RSPH4A: variants seen among roughly 807,000 people sequenced by gnomAD.
The protein encoded by RSPH4A is radial spoke head protein 4 homolog A.
RSPH4A carries 47 observed loss-of-function variants against 71.0 expected under a neutral mutation model. That is an observed-to-expected ratio of 0.66 (90% CI 0.52 to 0.84). The LOEUF (loss-of-function observed/expected upper bound fraction) is 0.84. Ranked by LOEUF, RSPH4A falls within the 40% of genes least tolerant of loss-of-function variation. The pLI, the probability that RSPH4A is intolerant of heterozygous loss-of-function variation, is 0.00. For missense variants in RSPH4A, 793 were observed against 855.2 expected (o/e 0.93, Z 0.91); for synonymous variants, 282 against 302.3 (o/e 0.93, Z 0.70).
In RSPH4A at chr6:116,632,635, TACTC is replaced by T. The variant is rs572642899; in HGVS notation, c.*197_*200del. On this transcript the variant is annotated 3_prime_UTR_variant, in exon 6 of 6. Transcript: ENST00000229554. ...AAATATTAGCATTTTTATTGAAAGA[TACTC>T]ACAGGATTTTCCAGAGGCTAAATAA... 70 of 663,340 alleles carry T rather than the reference TACTC, an allele frequency of 1.1e-4. No individual in the cohort carries two copies. The highest frequency in any genetic ancestry group is 8.1e-4 in the East Asian group (26 of 32,204). The allele number at this position is 663,340 out of a possible 1,614,324, so 41.1% of individuals were successfully genotyped here. A position where few individuals can be genotyped will look rare whatever the true frequency, so the allele number is the denominator to read the frequency against.
intron 1 of RSPH4A, among the ~76,000 whole-genome samples, 164 bp from the exon 2 acceptor site, chr6:116,622,604 A>C (rs943630646): frequency 1.1e-4 from 16 of 152,216 alleles, no homozygotes; most frequent in African/African-American, 3.6e-4. Context: ...ATAGTTGTTC[A>C]ATAATTGCCT....
In RSPH4A at chr6:116,628,196, G is replaced by C. The variant is rs117169123; in HGVS notation, c.1489G>C (p.Val497Leu). 2 of 1,614,072 alleles carry C rather than the reference G, an allele frequency of 1.2e-6. No homozygotes were observed. Among genetic ancestry groups the C allele is most frequent in the Non-Finnish European group, 8.5e-7 (1 of 1,179,990 alleles). The change falls in exon 3 of 6, where the codon GTC (valine) becomes CTC (leucine). Residue 497 changes from valine (V) to leucine (L), a missense_variant. Coordinates refer to ENST00000229554, the MANE Select transcript of RSPH4A (RefSeq NM_001010892.3). ...TGCCCGAATTTCAGCAGGAACCCACGTCAGTCCTCTAGGATTTTATCAGTT... is the reference window on the plus strand; with the variant it reads ...TGCCCGAATTTCAGCAGGAACCCACCTCAGTCCTCTAGGATTTTATCAGTT... ...QIARISAGTH[V>L]SPLGFYQFGE...
At chr6:116,625,632 A>C (rs901516447) in intron 2 of RSPH4A, among the ~76,000 whole-genome samples, 2 of 152,220 alleles carry the variant, frequency 1.3e-5, no homozygotes, top group African/African-American at 2.4e-5. Flanking sequence ...GATGGTGACT[A>C]ATACAGTATA....
chr6:116,616,742 C>T lies in RSPH4A; in HGVS notation c.119C>T (p.Ser40Phe), dbSNP rs1162657034. Residue 40 changes from serine to phenylalanine, a missense_variant, in exon 1 of 6, where the codon TCT becomes TTT. Coordinates refer to ENST00000229554, the MANE Select transcript of RSPH4A (RefSeq NM_001010892.3). ...ASPQYSEPES[S>F]EPLEAKQGPE... ...CCCCAATATTCTGAGCCTGAGTCGT[C>T]TGAGCCCTTGGAGGCGAAGCAGGGG... The T allele has an allele frequency of 6.2e-7, 1 of 1,614,190 alleles. No individual in the cohort carries two copies. The highest frequency in any genetic ancestry group is 1.1e-5 in the South Asian group (1 of 91,080).
chr6:116,627,857 G>A lies in RSPH4A; in HGVS notation c.1150G>A (p.Glu384Lys). Residue 384 changes from glutamate to lysine, a missense_variant, in exon 3 of 6, where the codon GAG (glutamate) becomes AAG (lysine). Physicochemically the swap from Glu to Lys is moderately conservative, Grantham distance 56 (BLOSUM62 1). Coordinates refer to ENST00000229554, the MANE Select transcript of RSPH4A (RefSeq NM_001010892.3). Reference sequence around the variant, plus strand: ...GGGGGAAGATGAAGAGGAAGTGGAAGAGGAAGATGTAGCTGAAGAGAGGGA... The same window carrying A: ...GGGGGAAGATGAAGAGGAAGTGGAAAAGGAAGATGTAGCTGAAGAGAGGGA... ...REGEDEEEVE[E>K]EDVAEERDNG... The A allele has an allele frequency of 6.2e-7, 1 of 1,613,922 alleles. No homozygotes were observed. Among genetic ancestry groups the A allele is most frequent in the Non-Finnish European group, 8.5e-7 (1 of 1,179,788 alleles).
chr6:116,625,223 C>G (rs1462397891), intron 2 of RSPH4A, among the ~76,000 whole-genome samples: 1 of 152,138 alleles, frequency 6.6e-6, no homozygotes, highest in Non-Finnish European at 1.5e-5. Context: ...TGCTATTGGT[C>G]ATTGGGCAAG....
rs1417495937 is a variant in RSPH4A, at chr6:116,627,728, C to T, written c.1021C>T (p.Leu341Phe). The T allele has an allele frequency of 5.6e-6, 9 of 1,614,032 alleles. No individual in the cohort carries two copies. Among genetic ancestry groups the T allele is most frequent in the South Asian group, 1.1e-5 (1 of 91,090 alleles). The change falls in exon 3 of 6, where the codon CTC becomes TTC. Residue 341 changes from leucine (L) to phenylalanine (F), a missense_variant. Leu to Phe is a conservative substitution (Grantham distance 22). Coordinates refer to ENST00000229554, the MANE Select transcript of RSPH4A (RefSeq NM_001010892.3). The part of the protein sequence containing the change: ...TDETYRIFLA[L>F]KQLTDTHPIQ... The stretch of plus-strand genomic sequence containing the variant: ...TGAGACATACCGCATATTTCTTGCC[C>T]TCAAGCAGCTTACTGATACCCACCC...
chr6:116,626,751 TTATAAG>T (rs1459227364), intron 2 of RSPH4A, among the ~76,000 whole-genome samples: 1 of 151,076 alleles, frequency 6.6e-6, no homozygotes, highest in East Asian at 1.9e-4. Context: ...AAATAATTTA[TTATAAG>T]TAGAAGGAGC....
At chr6:116,631,280 T>C (rs1180238271) in intron 5 of RSPH4A, among the ~76,000 whole-genome samples, 2 of 152,196 alleles carry the variant, frequency 1.3e-5, no homozygotes, top group East Asian at 3.8e-4. Context: ...GGCCAGGTGT[T>C]AGAGTAGCCA....
chr6:116,617,512 C>T (rs199661089), intron 1 of RSPH4A, among the ~76,000 whole-genome samples: 9 of 141,862 alleles, frequency 6.3e-5, no homozygotes, highest in Admixed American at 2.8e-4. Context: ...TTTTCTTAAC[C>T]TTTTTTTTTT....
At chr6:116,631,672 T>C (rs1177044511) in intron 5 of RSPH4A, among the ~76,000 whole-genome samples, 1 of 152,170 alleles carries the variant, frequency 6.6e-6, no homozygotes, top group Non-Finnish European at 1.5e-5. Flanking sequence ...TTGAAGAGCA[T>C]GACGAGCCAA....
At chr6:116,617,872 C>A (rs915311187) in intron 1 of RSPH4A, among the ~76,000 whole-genome samples, 1 of 152,104 alleles carries the variant, frequency 6.6e-6, no homozygotes, top group Non-Finnish European at 1.5e-5. Flanking sequence ...CCATTTTATC[C>A]AAGTCTCTTA....
intron 1 of RSPH4A, among the ~76,000 whole-genome samples, chr6:116,618,166 GC>G (rs1282925569): frequency 6.6e-6 from 1 of 152,140 alleles, no homozygotes; most frequent in Non-Finnish European, 1.5e-5. Flanking sequence ...CTAAGCTCTA[GC>G]CCCATGGCTG....
intron 2 of RSPH4A, among the ~76,000 whole-genome samples, chr6:116,624,687 A>G (rs1775664540): frequency 6.6e-6 from 1 of 152,044 alleles, no homozygotes; most frequent in Admixed American, 6.5e-5. Flanking sequence ...TATATGACCA[A>G]CCTGTCCCTG....
intron 4 of RSPH4A, among the ~76,000 whole-genome samples, chr6:116,629,988 A>G (rs956462898): frequency 8.5e-5 from 13 of 152,222 alleles, no homozygotes; most frequent in African/African-American, 3.1e-4. Context: ...CTTGTCTTGC[A>G]TTCTGCAGAC....
Position 116,628,024 on chromosome 6 carries a change from A to G in RSPH4A, c.1317A>G (p.Arg439=), listed in dbSNP as rs774216430. 19 of 1,614,070 alleles carry G rather than the reference A, an allele frequency of 1.2e-5. No individual in the cohort carries two copies. The highest frequency in any genetic ancestry group is 1.6e-4 in the Middle Eastern group (1 of 6,084). The change falls in exon 3 of 6, where the codon AGA becomes AGG. Residue 439 remains arginine (R), a synonymous_variant. Coordinates refer to ENST00000229554, the MANE Select transcript of RSPH4A (RefSeq NM_001010892.3). ...YVYFVCNEPG[R]PWVKLPPVIP... is the part of the protein sequence containing the mutation. ...ATTTTGTTTGCAATGAACCAGGAAG[A>G]CCATGGGTGAAGTTACCACCAGTTA... is the stretch of plus-strand genomic sequence containing the variant.
At chr6:116,630,379 C>T (rs1325910465) in intron 4 of RSPH4A, 56 bp from the exon 5 acceptor site, 3 of 876,216 alleles carry the variant, frequency 3.4e-6, no homozygotes, top group South Asian at 1.3e-5. Context: ...ATAGCTTACA[C>T]AGTAGATTCT....
intron 1 of RSPH4A, among the ~76,000 whole-genome samples, chr6:116,621,153 GCCT>G (rs1427126176): frequency 6.6e-6 from 1 of 152,116 alleles, no homozygotes; most frequent in Non-Finnish European, 1.5e-5. Flanking sequence ...ACTGCTCCCG[GCCT>G]TCTCCATGAA....
intron 3 of RSPH4A, among the ~76,000 whole-genome samples, chr6:116,629,200 A>G (rs1252583422): frequency 6.6e-6 from 1 of 152,210 alleles, no homozygotes; most frequent in Non-Finnish European, 1.5e-5. Context: ...ACCACATTTA[A>G]ATGTTATTGT....
Sources: gnomAD v4.1 joint callset for allele counts (sites outside exome capture counted in the v4.1 genomes callset) on GRCh38, gnomAD v4.1.1 for gene constraint, MANE v1.5 for transcripts, NCBI Gene and HGNC (gene_info 2026-07-23, HGNC 2026-07-21) for gene names.